Variants in CAPN11 observed in about 807,000 individuals in gnomAD.
The protein encoded by CAPN11 is calpain 11.
In CAPN11, 108 loss-of-function variants were observed where a neutral mutation model predicts 105.3. The observed-to-expected ratio is 1.03, with a 90% CI of 0.88 to 1.20. The LOEUF is 1.20. Among genes scored for constraint, CAPN11 ranks in the 50% most tolerant of loss-of-function variants. The probability of loss-of-function intolerance (pLI) is 0.00; values close to 1 mark genes in which losing one functional copy is unlikely to be tolerated. For synonymous variants in CAPN11, 329 were observed against 344.5 expected, an observed-to-expected ratio of 0.96 and a Z score of 0.50; for missense variants, 883 against 924.8, an observed-to-expected ratio of 0.95 and a Z score of 0.59.
In CAPN11 at chr6:44,168,644, CAG is replaced by C. The variant is rs1320646837; in HGVS notation, c.89-634_89-633del. 1.3e-4 allele frequency among the ~76,000 whole-genome samples: 19 copies of C among 151,892 alleles called. No homozygotes were observed. The South Asian group carries it at 4.0e-3, about 32-fold the overall frequency. On this transcript the variant is annotated intron_variant, in intron 2 of 22. Coordinates refer to ENST00000398776, the MANE Select transcript of CAPN11 (RefSeq NM_007058.4). The stretch of plus-strand genomic sequence containing the variant: ...TATTTATTTTTATTTATTTTTGAGA[CAG>C]AGTTTCGCTCTTGTTGGCCAGGCTG...
At position 44,165,484 on chromosome 6, in the gene CAPN11, A is replaced by G. The variant is rs116272390; in HGVS notation, c.17-1274A>G. The stretch of plus-strand genomic sequence containing the variant: ...TACTGCACTGGATGTGGCTCTGCAC[A>G]GGGGCAGCCCCTATCGCGGGCTGTG... On this transcript the variant is annotated intron_variant, in intron 1 of 22. Coordinates refer to ENST00000398776, the MANE Select transcript of CAPN11 (RefSeq NM_007058.4). Among the ~76,000 whole-genome samples, 1,405 of 152,342 alleles carry G rather than the reference A, an allele frequency of 9.2e-3. 14 individuals are homozygous for G. The highest frequency in any genetic ancestry group is 0.032 in the African/African-American group (1,331 of 41,578).
Position 44,181,451 on chromosome 6 carries a change from A to ACACACACACCCAACCACACCACACT in CAPN11, c.1938+140_1938+141insCCAACCACACCACACTCACACACAC, listed in dbSNP as rs1773184266. On this transcript the variant is annotated intron_variant, in intron 19 of 22. Transcript: ENST00000398776. ...ACACACACCCAACCACACCACACTCACACACACACACACACACTCACATAC... is the reference window on the plus strand; with the variant it reads ...ACACACACCCAACCACACCACACTCACACACACACCCAACCACACCACACTCACACACACACACACACTCACATAC... 1.1e-4 allele frequency: 27 copies of ACACACACACCCAACCACACCACACT among 243,100 alleles called. 6 individuals carry two copies. The highest frequency in any genetic ancestry group is 1.6e-4 in the Admixed American group (2 of 12,572). The allele number at this position is 243,100 out of a possible 1,614,324, so 15.1% of individuals were successfully genotyped here. A position where few individuals can be genotyped will look rare whatever the true frequency, so the allele number is the denominator to read the frequency against.
chr6:44,161,980 G>A (rs1768912412), intron 1 of CAPN11: 1 of 447,720 alleles, frequency 2.2e-6, no homozygotes, highest in Non-Finnish European at 4.5e-6. Context: ...TTATTGTGGA[G>A]ACTTTCCTCT....
At chr6:44,177,914 G>A (rs1413905678) in intron 12 of CAPN11, among the ~76,000 whole-genome samples, 1 of 152,138 alleles carries the variant, frequency 6.6e-6, no homozygotes, top group East Asian at 1.9e-4. Flanking sequence ...TTGGAATGCA[G>A]TGGCGTGATT....
chr6:44,166,823 T>C lies in CAPN11; in HGVS notation c.82T>C (p.Cys28Arg), dbSNP rs1328487509. The change falls in exon 2 of 23, where the codon TGT becomes CGT. Residue 28 changes from cysteine to arginine, a missense_variant. Cys to Arg is a radical substitution (Grantham distance 180). Transcript: ENST00000398776. ...GSQEDKPRGS[C>R]AEPTFTDTGM... ...ACAGGAGGATAAGCCTCGGGGCTCA[T>C]GTGCGGGTAGGACTGCAGACCCGTC... 1.9e-6 allele frequency: 3 copies of C among 1,551,062 alleles called. No individual in the cohort carries two copies. Among genetic ancestry groups the C allele is most frequent in the South Asian group, 1.2e-5 (1 of 84,054 alleles).
intron 5 of CAPN11, 76 bp downstream of exon 5, chr6:44,172,496 T>C: frequency 1.2e-6 from 1 of 861,074 alleles, no homozygotes. Context: ...AAGTTTACCT[T>C]CTTTCCTTTT....
At chr6:44,183,858 C>G in intron 22 of CAPN11, 48 bp from the exon 23 acceptor site, 1 of 1,491,762 alleles carries the variant, frequency 6.7e-7, no homozygotes, top group Non-Finnish European at 9.2e-7. Context: ...GGGCCAGCAT[C>G]CTGCCCCCGT....
At chr6:44,173,457 C>G in intron 7 of CAPN11, 71 bp downstream of exon 7, 3 of 962,560 alleles carry the variant, frequency 3.1e-6, no homozygotes, top group Non-Finnish European at 4.7e-6. Context: ...GCTCTTCCCC[C>G]AGTATCTGCA....
In CAPN11 at chr6:44,169,380, A is replaced by ACTTTGGTAT; in HGVS notation, c.189_190insTTTGGTATC (p.Asn63_Gln64insPheGlyIle). On this transcript the variant is annotated inframe_insertion, in exon 3 of 23. Coordinates refer to ENST00000398776, the MANE Select transcript of CAPN11 (RefSeq NM_007058.4). ...CACGACAACGCCCAGAACTTTGGTA[A>ACTTTGGTAT]CCAGAGCTTTGAGGAGCTGCGAGCA... is the stretch of plus-strand genomic sequence containing the variant. 12 of 1,614,038 alleles carry ACTTTGGTAT rather than the reference A, an allele frequency of 7.4e-6. No individual in the cohort carries two copies. Among genetic ancestry groups the ACTTTGGTAT allele is most frequent in the Non-Finnish European group, 1.0e-5 (12 of 1,179,890 alleles).
In CAPN11 at chr6:44,183,395, C is replaced by T. The variant is rs1195104900; in HGVS notation, c.2134+160C>T. The T allele has an allele frequency of 8.0e-6, 5 of 624,712 alleles. No homozygotes were observed. In the African/African-American group the frequency reaches 9.2e-5, roughly 11 times the overall value. The allele number at this position is 624,712 out of a possible 1,614,324, so 38.7% of individuals were successfully genotyped here. A position where few individuals can be genotyped will look rare whatever the true frequency, so the allele number is the denominator to read the frequency against. On this transcript the variant is annotated intron_variant, in intron 21 of 22. Transcript: ENST00000398776. ...CTCCGCCACTTGCTGGCAGAGGTGA[C>T]TTGAGCAAGTCACTTAATCTTTCTG...
rs953792016 is a variant in CAPN11, at chr6:44,166,631, C to T, written c.17-127C>T. On this transcript the variant is annotated intron_variant, in intron 1 of 22. Coordinates refer to ENST00000398776, the MANE Select transcript of CAPN11 (RefSeq NM_007058.4). ...CAACCCCAGAACCCTGCTGCCCTCC[C>T]TGTAGCTGCGCCCCAACCCAGTTCT... 9.9e-6 allele frequency: 7 copies of T among 706,058 alleles called. No individual in the cohort carries two copies. The African/African-American group carries it at 1.2e-4, about 13-fold the overall frequency. 43.7% of individuals were successfully genotyped at this position (706,058 alleles called of 1,614,324 possible).
chr6:44,177,636 A>T, intron 12 of CAPN11: 1 of 550,536 alleles, frequency 1.8e-6, no homozygotes, highest in Non-Finnish European at 3.3e-6. Flanking sequence ...ACAGACGTGC[A>T]CCACCATGCC....
At chr6:44,178,544 CA>C (rs2128310495) in intron 12 of CAPN11, among the ~76,000 whole-genome samples, 1 of 152,084 alleles carries the variant, frequency 6.6e-6, no homozygotes, top group Admixed American at 6.5e-5. Flanking sequence ...CAATAGTGAG[CA>C]AAACAGACAC....
At chr6:44,160,986 C>T (rs960453460) in intron 1 of CAPN11, among the ~76,000 whole-genome samples, 1 of 152,042 alleles carries the variant, frequency 6.6e-6, no homozygotes, top group South Asian at 2.1e-4. Context: ...TTGGTACCAC[C>T]CGCAGTTTCA....
intron 19 of CAPN11, among the ~76,000 whole-genome samples, chr6:44,181,574 C>CCACACCA (rs1554132267): frequency 4.1e-4 from 2 of 4,926 alleles, no homozygotes; most frequent in African/African-American, 1.1e-3. Context: ...CACAACCACA[C>CCACACCA]CACACATACA....
rs80111599 is a variant in CAPN11, at chr6:44,167,091, C to A, written c.88+262C>A. ...TCAGTCAGCCTGACTCGACTCTTACCCTGACACTCGCCCAGTGCCACCTGC... is the reference window on the plus strand; with the variant it reads ...TCAGTCAGCCTGACTCGACTCTTACACTGACACTCGCCCAGTGCCACCTGC... On this transcript the variant is annotated intron_variant, in intron 2 of 22. Transcript: ENST00000398776. Among the ~76,000 whole-genome samples, 1,431 of 152,196 alleles carry A rather than the reference C, an allele frequency of 9.4e-3. 30 individuals carry two copies. The highest frequency in any genetic ancestry group is 0.061 in the South Asian group (294 of 4,814).
chr6:44,181,845 T>C (rs1318308921), intron 19 of CAPN11, among the ~76,000 whole-genome samples: 12 of 19,824 alleles, frequency 6.1e-4, no homozygotes, highest in Admixed American at 1.1e-3. Context: ...CACACTCACA[T>C]ACAGACACAA....
intron 2 of CAPN11, among the ~76,000 whole-genome samples, chr6:44,168,517 C>A (rs373709338): frequency 2.0e-5 from 3 of 152,040 alleles, no homozygotes; most frequent in Non-Finnish European, 4.4e-5. Context: ...ATCCGCCCAC[C>A]TTGTTCTCCC....
At chr6:44,175,620 A>T (rs1771846218) in intron 7 of CAPN11, among the ~76,000 whole-genome samples, 2 of 152,034 alleles carry the variant, frequency 1.3e-5, no homozygotes, top group Admixed American at 1.3e-4. Flanking sequence ...TACTAAAAAT[A>T]CAAGAAATTA....
Sources: allele counts gnomAD v4.1 joint callset (sites outside exome capture counted in the v4.1 genomes callset), GRCh38; gene constraint gnomAD v4.1.1; transcripts MANE v1.5; gene names NCBI Gene and HGNC (gene_info 2026-07-23, HGNC 2026-07-21).